Variants in DGCR2 observed in about 807,000 individuals in gnomAD.
The protein encoded by DGCR2 is integral membrane protein DGCR2/IDD.
Under a neutral mutation model 51.6 loss-of-function variants are expected in DGCR2, and 24 were observed. That is an observed-to-expected ratio of 0.47 (90% CI 0.34 to 0.65). The LOEUF (loss-of-function observed/expected upper bound fraction) is 0.65. Ranked by LOEUF, DGCR2 falls within the 30% of genes least tolerant of loss-of-function variation. The pLI is 0.01. For missense variants in DGCR2, 765 were observed against 772.1 expected (o/e 0.99, Z 0.11); for synonymous variants, 340 against 315.4 (o/e 1.08, Z -0.82).
chr22:19,068,265 T>G, intron 2 of DGCR2, 40 bp from the exon 3 acceptor site: 1 of 1,541,034 alleles, frequency 6.5e-7, no homozygotes, highest in Non-Finnish European at 8.8e-7. Flanking sequence ...GTCCTGCCTG[T>G]GCAGTCGCAG....
chr22:19,063,022 G>A (rs571049750), intron 5 of DGCR2, among the ~76,000 whole-genome samples, 180 bp downstream of exon 5: 33 of 152,264 alleles, frequency 2.2e-4, no homozygotes, highest in Non-Finnish European at 4.1e-4. Flanking sequence ...CCAATGCAGG[G>A]CCTGATCTGC....
chr22:19,053,877 T>C (rs2082574307), intron 6 of DGCR2, among the ~76,000 whole-genome samples: 1 of 152,074 alleles, frequency 6.6e-6, no homozygotes, highest in Non-Finnish European at 1.5e-5. Flanking sequence ...GGAAATCCTA[T>C]AAATAAAAAA....
Position 19,038,726 on chromosome 22 carries a change from T to C in DGCR2, c.*139A>G. On this transcript the variant is annotated 3_prime_UTR_variant, in exon 10 of 10. Transcript: ENST00000263196. ...CAGAAGGCGGGCTGTGGTCTCTATG[T>C]ACACACGCGAGCCCGCCAGTGACGT... The C allele has an allele frequency of 8.3e-7, 1 of 1,204,524 alleles. No individual in the cohort carries two copies. Among genetic ancestry groups the C allele is most frequent in the Non-Finnish European group, 1.2e-6 (1 of 858,094 alleles). The allele number at this position is 1,204,524 out of a possible 1,614,324, so 74.6% of individuals were successfully genotyped here. A position where few individuals can be genotyped will look rare whatever the true frequency, so the allele number is the denominator to read the frequency against.
chr22:19,099,594 T>C (rs759992793), intron 1 of DGCR2, among the ~76,000 whole-genome samples: 5 of 152,004 alleles, frequency 3.3e-5, no homozygotes, highest in Non-Finnish European at 7.4e-5. Context: ...CAACAAAAAA[T>C]TGCCTGTCCT....
chr22:19,119,735 CAAAAAA>C (rs57362176), intron 1 of DGCR2, among the ~76,000 whole-genome samples: 4 of 78,156 alleles, frequency 5.1e-5, no homozygotes, highest in African/African-American at 2.0e-4. Context: ...GACTCTGTCT[CAAAAAA>C]AAAAAAAAAA....
chr22:19,122,227 C>T lies in DGCR2; in HGVS notation c.-21G>A, dbSNP rs1159868691. The T allele has an allele frequency of 7.6e-7, 1 of 1,309,314 alleles. No homozygotes were observed. Among genetic ancestry groups the T allele is most frequent in the Non-Finnish European group, 1.0e-6 (1 of 978,194 alleles). The allele number at this position is 1,309,314 out of a possible 1,614,324, so 81.1% of individuals were successfully genotyped here. On this transcript the variant is annotated 5_prime_UTR_variant, in exon 1 of 10. Transcript: ENST00000263196. ...ACCATTTATCCTCCGTTCATCGTCC[C>T]CGGGGCGGCTGGAAGGCCGGACCAG...
chr22:19,119,588 T>C (rs1379046601), intron 1 of DGCR2, among the ~76,000 whole-genome samples: 1 of 151,646 alleles, frequency 6.6e-6, no homozygotes, highest in Non-Finnish European at 1.5e-5. Flanking sequence ...ATACAAAAAT[T>C]AGCCGAGCGT....
At chr22:19,068,322 A>AG (rs984228917) in intron 2 of DGCR2, 97 bp from the exon 3 acceptor site, 20 of 1,358,692 alleles carry the variant, frequency 1.5e-5, no homozygotes, top group African/African-American at 1.5e-5. Flanking sequence ...GCAAGGCCGG[A>AG]GGGGGGGCCT....
chr22:19,104,695 T>C (rs547359382), intron 1 of DGCR2, among the ~76,000 whole-genome samples: 92 of 152,318 alleles, frequency 6.0e-4, no homozygotes, highest in African/African-American at 2.1e-3. Flanking sequence ...CATGCCCTGC[T>C]GGAGTGCCCA....
intron 9 of DGCR2, among the ~76,000 whole-genome samples, chr22:19,040,835 CCTT>C (rs990227183): frequency 1.1e-4 from 16 of 152,208 alleles, no homozygotes; most frequent in Admixed American, 1.0e-3. Flanking sequence ...GGGTCCCAGG[CCTT>C]CTCAGAGCTC....
chr22:19,086,369 C>T (rs925013344), intron 2 of DGCR2, among the ~76,000 whole-genome samples: 4 of 152,216 alleles, frequency 2.6e-5, no homozygotes, highest in African/African-American at 9.6e-5. Flanking sequence ...ATCCCAGCTA[C>T]TCAGGAGGCT....
intron 1 of DGCR2, among the ~76,000 whole-genome samples, chr22:19,089,818 T>A (rs1569075597): frequency 6.6e-6 from 1 of 152,236 alleles, no homozygotes; most frequent in Non-Finnish European, 1.5e-5. Context: ...TGGCCTCAAG[T>A]GATCTGCCTG....
intron 7 of DGCR2, among the ~76,000 whole-genome samples, chr22:19,042,391 C>G (rs1182515960): frequency 6.6e-6 from 1 of 152,246 alleles, no homozygotes; most frequent in African/African-American, 2.4e-5. Flanking sequence ...GTCCGTCCAA[C>G]AGCAGCCTTC....
At chr22:19,062,779 A>ATTCTCTCATTCTCTCATT in intron 5 of DGCR2, among the ~76,000 whole-genome samples, 1 of 127,354 alleles carries the variant, frequency 7.9e-6, no homozygotes, top group African/African-American at 2.7e-5. Flanking sequence ...ATGCATGCTC[A>ATTCTCTCATTCTCTCATT]CTCTCTCTCT....
intron 2 of DGCR2, among the ~76,000 whole-genome samples, chr22:19,073,266 C>T (rs111687781): frequency 0.012 from 1,763 of 149,370 alleles, 15 homozygotes; most frequent in Non-Finnish European, 0.015. Flanking sequence ...GTCACACACA[C>T]AAAAAAAAAC....
chr22:19,082,911 A>C (rs1057141905), intron 2 of DGCR2, among the ~76,000 whole-genome samples: 8 of 152,140 alleles, frequency 5.3e-5, no homozygotes, highest in South Asian at 4.1e-4. Flanking sequence ...CAACGTGGCG[A>C]AACACCGATT....
chr22:19,052,908 A>T (rs1024689540), intron 6 of DGCR2, among the ~76,000 whole-genome samples: 1 of 152,262 alleles, frequency 6.6e-6, no homozygotes, highest in Non-Finnish European at 1.5e-5. Flanking sequence ...TTTCTGCCTC[A>T]TGATGATACC....
At chr22:19,052,811 T>C (rs2082563441) in intron 6 of DGCR2, among the ~76,000 whole-genome samples, 1 of 151,898 alleles carries the variant, frequency 6.6e-6, no homozygotes, top group Non-Finnish European at 1.5e-5. Flanking sequence ...TTAATAAAAG[T>C]AACAATTTGG....
chr22:19,095,913 G>GA (rs1332121831), intron 1 of DGCR2, among the ~76,000 whole-genome samples: 2 of 152,072 alleles, frequency 1.3e-5, no homozygotes, highest in Admixed American at 6.6e-5. Flanking sequence ...TGCTTCTCTG[G>GA]AAAAGACAGC....
Sources: gnomAD v4.1 joint callset for allele counts (sites outside exome capture counted in the v4.1 genomes callset) on GRCh38, gnomAD v4.1.1 for gene constraint, MANE v1.5 for transcripts, NCBI Gene and HGNC (gene_info 2026-07-23, HGNC 2026-07-21) for gene names.